The following EXT1 variants were observed in gnomAD, a reference collection of about 807,000 sequenced individuals.
The protein encoded by EXT1 is exostosin-1.
A neutral mutation model predicts 82.5 loss-of-function variants in EXT1; 20 were observed. That is an observed-to-expected ratio of 0.24 (90% CI 0.17 to 0.35). The LOEUF (loss-of-function observed/expected upper bound fraction) is 0.35, where lower values mean the gene tolerates loss of function less well. EXT1 is among the 10% of genes least tolerant of loss of function. EXT1 has a pLI of 1.00. For synonymous variants in EXT1, 348 were observed against 350.8 expected (o/e 0.99, Z 0.09); for missense variants, 757 against 936.5 (o/e 0.81, Z 2.50).
intron 1 of EXT1, among the ~76,000 whole-genome samples, chr8:117,915,837 C>A (rs1247425945): frequency 6.8e-6 from 1 of 147,776 alleles, no homozygotes; most frequent in Non-Finnish European, 1.5e-5. Context: ...GCGTGGGTGA[C>A]AGAGCGAGAC....
chr8:117,878,688 C>T (rs1000034505), intron 1 of EXT1, among the ~76,000 whole-genome samples: 4 of 152,226 alleles, frequency 2.6e-5, no homozygotes, highest in African/African-American at 7.2e-5. Context: ...ATATCCAGTG[C>T]TGTAAATGCA....
intron 1 of EXT1, among the ~76,000 whole-genome samples, chr8:118,003,016 T>C (rs2129815140): frequency 6.6e-6 from 1 of 152,256 alleles, no homozygotes; most frequent in East Asian, 1.9e-4. Flanking sequence ...AAATGTTTTA[T>C]ATGTGTATAT....
chr8:117,861,185 A>G (rs1309622606), intron 1 of EXT1, among the ~76,000 whole-genome samples: 1 of 152,222 alleles, frequency 6.6e-6, no homozygotes, highest in African/African-American at 2.4e-5. Flanking sequence ...AAGCAGTAGA[A>G]TGTCAGAAAG....
In EXT1 at chr8:117,899,429, A is replaced by G. The variant is rs149312755; in HGVS notation, c.963-62228T>C. Reference sequence around the variant, plus strand: ...ATCTCAGCCCATCACCAGAAAGGAGAGAAATCTCGTGTATAAATAATTAGG... The same window carrying G: ...ATCTCAGCCCATCACCAGAAAGGAGGGAAATCTCGTGTATAAATAATTAGG... On this transcript the variant is annotated intron_variant, in intron 1 of 10. Coordinates refer to ENST00000378204, the MANE Select transcript of EXT1 (RefSeq NM_000127.3). Among the ~76,000 whole-genome samples the G allele has an allele frequency of 2.0e-3, 298 of 152,346 alleles. 2 individuals are homozygous for G. The highest frequency in any genetic ancestry group is 6.4e-3 in the African/African-American group (268 of 41,584).
chr8:117,893,661 G>C (rs1046227334), intron 1 of EXT1, among the ~76,000 whole-genome samples: 1 of 152,088 alleles, frequency 6.6e-6, no homozygotes, highest in Non-Finnish European at 1.5e-5. Context: ...TCCGCCTTTC[G>C]CTGCAGCCTG....
chr8:117,989,239 T>TCC (rs369843217), intron 1 of EXT1, among the ~76,000 whole-genome samples: 3 of 146,560 alleles, frequency 2.0e-5, no homozygotes, highest in African/African-American at 7.6e-5. Context: ...AAGGAATTCC[T>TCC]CCCCCCACCC....
intron 8 of EXT1, among the ~76,000 whole-genome samples, chr8:117,809,659 G>T (rs1461565150): frequency 6.6e-6 from 1 of 151,490 alleles, no homozygotes; most frequent in African/African-American, 2.4e-5. Flanking sequence ...AATCCAGAGC[G>T]GGGAAAAAAC....
chr8:118,106,640 T>C (rs1346610965), intron 1 of EXT1, among the ~76,000 whole-genome samples: 1 of 152,234 alleles, frequency 6.6e-6, no homozygotes, highest in Admixed American at 6.5e-5. Context: ...CACCTCTCCT[T>C]TCCCTCTCTT....
Position 118,110,279 on chromosome 8 carries a change from G to A in EXT1, c.768C>T (p.Ile256=), listed in dbSNP as rs566692634. 1.9e-5 allele frequency: 30 copies of A among 1,614,078 alleles called. No individual in the cohort carries two copies. The East Asian group carries it at 5.6e-4, about 30-fold the overall frequency. Residue 256 remains isoleucine, a synonymous_variant, in exon 1 of 11, where the codon ATC becomes ATT. Coordinates refer to ENST00000378204, the MANE Select transcript of EXT1 (RefSeq NM_000127.3). ...GERGFLKFNT[I]PPLRKYMLVF... ...CCAGCATGTACTTCCTGAGAGGAGGGATGGTGTTGAACTTCAAAAACCCCC... is the reference window on the plus strand; with the variant it reads ...CCAGCATGTACTTCCTGAGAGGAGGAATGGTGTTGAACTTCAAAAACCCCC...
chr8:117,999,479 T>C (rs1018279403), intron 1 of EXT1, among the ~76,000 whole-genome samples: 7 of 152,184 alleles, frequency 4.6e-5, no homozygotes, highest in African/African-American at 1.7e-4. Context: ...GTGTTTTAGT[T>C]TTAGATATTC....
intron 1 of EXT1, among the ~76,000 whole-genome samples, chr8:117,945,750 G>A (rs1040693759): frequency 7.1e-4 from 108 of 152,164 alleles, no homozygotes; most frequent in Middle Eastern, 3.4e-3. Context: ...TGATCTGTCC[G>A]TCTCAGCCTC....
At chr8:117,815,661 G>A (rs11989129) in intron 7 of EXT1, among the ~76,000 whole-genome samples, 27,221 of 152,204 alleles carry the variant, frequency 0.18, 2,581 homozygotes, top group African/African-American at 0.22. Flanking sequence ...GCCAGGTACA[G>A]TGGCTCCCGC....
At chr8:117,890,428 A>G (rs1371657735) in intron 1 of EXT1, among the ~76,000 whole-genome samples, 1 of 152,194 alleles carries the variant, frequency 6.6e-6, no homozygotes, top group East Asian at 1.9e-4. Flanking sequence ...AATGCGCAGA[A>G]GAGCCCCCAC....
At chr8:117,915,583 G>A (rs542350048) in intron 1 of EXT1, among the ~76,000 whole-genome samples, 13 of 152,210 alleles carry the variant, frequency 8.5e-5, no homozygotes, top group Non-Finnish European at 1.3e-4. Context: ...GGTCAGGCAC[G>A]GTGGCTTATG....
intron 9 of EXT1, among the ~76,000 whole-genome samples, chr8:117,805,163 G>A (rs1017015201): frequency 2.0e-5 from 3 of 152,176 alleles, no homozygotes; most frequent in Admixed American, 6.5e-5. Context: ...TTTTACAGAT[G>A]AGGAAACAAG....
intron 10 of EXT1, among the ~76,000 whole-genome samples, chr8:117,800,195 A>G (rs376247685): frequency 2.6e-5 from 4 of 152,246 alleles, no homozygotes; most frequent in African/African-American, 9.6e-5. Context: ...CTGAAACTCG[A>G]CTACTACAGT....
chr8:117,862,630 G>C (rs1349696182), intron 1 of EXT1, among the ~76,000 whole-genome samples: 2 of 145,412 alleles, frequency 1.4e-5, no homozygotes, highest in Non-Finnish European at 3.1e-5. Flanking sequence ...TCTACAAAGG[G>C]GAATTAGACA....
chr8:117,800,776 T>C (rs1823154748), intron 10 of EXT1, among the ~76,000 whole-genome samples: 1 of 152,246 alleles, frequency 6.6e-6, no homozygotes, highest in African/African-American at 2.4e-5. Context: ...ACCATGTTTT[T>C]AGCTCTCTGT....
At chr8:118,104,922 G>A (rs1484641873) in intron 1 of EXT1, among the ~76,000 whole-genome samples, 1 of 152,182 alleles carries the variant, frequency 6.6e-6, no homozygotes, top group East Asian at 1.9e-4. Context: ...AATATGCAGT[G>A]CTGCAAAGCG....
Sources: gnomAD v4.1 joint callset for allele counts (sites outside exome capture counted in the v4.1 genomes callset) on GRCh38, gnomAD v4.1.1 for gene constraint, MANE v1.5 for transcripts, NCBI Gene and HGNC (gene_info 2026-07-23, HGNC 2026-07-21) for gene names.